The following ITPR2 variants were observed in gnomAD, a reference collection of about 807,000 sequenced individuals.
The protein encoded by ITPR2 is inositol 1,4,5-trisphosphate-gated calcium channel ITPR2.
In ITPR2, 207 loss-of-function variants were observed where a neutral mutation model predicts 317.1. The observed-to-expected ratio is 0.65, with a 90% confidence interval of 0.58 to 0.73. ITPR2 has a LOEUF of 0.73. Among genes scored for constraint, ITPR2 ranks in the 30% least tolerant of loss-of-function variants. The probability of loss-of-function intolerance (pLI) is 0.00; values close to 1 mark genes in which losing one functional copy is unlikely to be tolerated. For missense variants in ITPR2, 2,613 were observed against 3,284.0 expected (o/e 0.80, Z 4.99); for synonymous variants, 1,156 against 1,149.1 (o/e 1.01, Z -0.12).
At chr12:26,345,857 A>G (rs892816967) in intron 55 of ITPR2, among the ~76,000 whole-genome samples, 4 of 147,998 alleles carry the variant, frequency 2.7e-5, no homozygotes, top group Non-Finnish European at 4.6e-5. Flanking sequence ...GACTTGTAAT[A>G]TGTATGCCAT....
At chr12:26,575,588 C>T (rs909611802) in intron 34 of ITPR2, among the ~76,000 whole-genome samples, 2 of 151,890 alleles carry the variant, frequency 1.3e-5, no homozygotes, top group Non-Finnish European at 2.9e-5. Context: ...TTATACCCTT[C>T]GATATAATTA....
intron 55 of ITPR2, among the ~76,000 whole-genome samples, chr12:26,368,756 C>T (rs1462659801): frequency 6.6e-6 from 1 of 152,136 alleles, no homozygotes; most frequent in Non-Finnish European, 1.5e-5. Flanking sequence ...ACTAAGCGCC[C>T]ACTATGTGCC....
Position 26,595,589 on chromosome 12 carries a change from A to G in ITPR2, c.4256T>C (p.Val1419Ala), listed in dbSNP as rs1414443139. ...AACAAAGTTCACATAAGCAATTTTA[A>G]CCTGTGCAAGTTTCAAATACAAAAG... ...VVTHDDCIPE[V>A]KIAYVNFVNH... is the part of the protein sequence containing the mutation. The change falls in exon 32 of 57, where the codon GTT becomes GCT. Residue 1419 changes from valine (V) to alanine (A), a missense_variant and splice_region_variant. By Grantham distance (64) the Val-to-Ala change is moderately conservative (BLOSUM62 0). Around this residue, in one of 9 missense-constraint regions of ITPR2, gnomAD observed 926 missense variants for 1,072.8 expected, o/e 0.86. Transcript: ENST00000381340. 1.3e-6 allele frequency: 2 copies of G among 1,562,620 alleles called. No homozygotes were observed. The highest frequency in any genetic ancestry group is 1.7e-6 in the Non-Finnish European group (2 of 1,163,050).
chr12:26,436,249 G>A lies in ITPR2; in HGVS notation c.6741C>T (p.Phe2247=), dbSNP rs1271457671. The A allele has an allele frequency of 2.3e-5, 37 of 1,611,766 alleles. No individual in the cohort carries two copies. Among genetic ancestry groups the A allele is most frequent in the Non-Finnish European group, 3.1e-5 (37 of 1,179,184 alleles). Residue 2247 remains phenylalanine (F), a synonymous_variant, in exon 48 of 57, where the codon TTC becomes TTT. Coordinates refer to ENST00000381340, the MANE Select transcript of ITPR2 (RefSeq NM_002223.4). ...CATCTCCATCATCCCCAAATGGGTA[G>A]AAGAGAGCAACAGCTAAATTGATGA... is the stretch of plus-strand genomic sequence containing the variant. The part of the protein sequence containing the change: ...AVFINLAVAL[F]YPFGDDGDEG...
chr12:26,718,203 A>C (rs556233354), intron 5 of ITPR2, among the ~76,000 whole-genome samples: 2 of 149,074 alleles, frequency 1.3e-5, no homozygotes, highest in East Asian at 2.0e-4. Context: ...CCCTCCCCTC[A>C]CCCCCCACCC....
intron 45 of ITPR2, among the ~76,000 whole-genome samples, chr12:26,474,572 T>C (rs1174165388): frequency 1.3e-5 from 2 of 151,838 alleles, no homozygotes; most frequent in East Asian, 3.9e-4. Flanking sequence ...GGCGGGCGGA[T>C]CACGAGGTCA....
intron 54 of ITPR2, among the ~76,000 whole-genome samples, chr12:26,395,835 C>A (rs190602246): frequency 6.6e-6 from 1 of 152,124 alleles, no homozygotes; most frequent in African/African-American, 2.4e-5. Context: ...GGTAGTCCTC[C>A]GCTCAAATCT....
intron 49 of ITPR2, among the ~76,000 whole-genome samples, chr12:26,426,836 T>C (rs1301120680): frequency 6.6e-6 from 1 of 150,864 alleles, no homozygotes; most frequent in Non-Finnish European, 1.5e-5. Flanking sequence ...ATAAAATAAA[T>C]ACATTTTATT....
intron 1 of ITPR2, among the ~76,000 whole-genome samples, chr12:26,810,839 A>G (rs541395118): frequency 1.4e-4 from 21 of 152,042 alleles, no homozygotes; most frequent in Non-Finnish European, 2.6e-4. Flanking sequence ...TCATTTATTT[A>G]TTTATTTTTA....
intron 1 of ITPR2, 58 bp downstream of exon 1, chr12:26,832,632 G>C: frequency 7.4e-7 from 1 of 1,347,438 alleles, no homozygotes; most frequent in South Asian, 1.2e-5. Flanking sequence ...AGGAGGGACA[G>C]GGACTGGTTC....
rs182385460 is a variant in ITPR2 at position 26,557,262 on chromosome 12, C to G, written c.4822-887G>C. 7.9e-5 allele frequency among the ~76,000 whole-genome samples: 12 copies of G among 152,306 alleles called. No homozygotes were observed. The East Asian group carries it at 2.1e-3, about 27-fold the overall frequency. ...CCCTATTGGTCACCTACCCAACAGC[C>G]TTTCTTCACTCTCTTCCTTGCTAAC... is the stretch of plus-strand genomic sequence containing the variant. On this transcript the variant is annotated intron_variant, in intron 35 of 56. Transcript: ENST00000381340.
intron 37 of ITPR2, among the ~76,000 whole-genome samples, chr12:26,517,878 TGAA>T (rs2136932011): frequency 6.6e-6 from 1 of 152,116 alleles, no homozygotes; most frequent in Non-Finnish European, 1.5e-5. Context: ...TAACAGATGA[TGAA>T]GAAGTTGCAG....
chr12:26,466,505 A>G (rs1942174399), intron 45 of ITPR2, among the ~76,000 whole-genome samples: 1 of 152,196 alleles, frequency 6.6e-6, no homozygotes, highest in Non-Finnish European at 1.5e-5. Context: ...TGCATTTCTC[A>G]TTCAACCTCA....
intron 39 of ITPR2, among the ~76,000 whole-genome samples, chr12:26,491,553 A>G (rs986866598): frequency 3.3e-5 from 5 of 151,952 alleles, no homozygotes; most frequent in African/African-American, 9.7e-5. Context: ...AGAAGGGCAA[A>G]ACTGGAAGCA....
intron 33 of ITPR2, 87 bp from the exon 34 acceptor site, chr12:26,578,920 TCAAAA>T: frequency 7.6e-7 from 1 of 1,308,266 alleles, no homozygotes; most frequent in Non-Finnish European, 1.0e-6. Context: ...GAAAGGTTCA[TCAAAA>T]TAAAATAAAA....
At chr12:26,482,443 A>G (rs980694568) in intron 42 of ITPR2, among the ~76,000 whole-genome samples, 6 of 152,226 alleles carry the variant, frequency 3.9e-5, no homozygotes, top group African/African-American at 1.4e-4. Context: ...CATTCTTACA[A>G]GCTTTCCTGG....
At chr12:26,499,490 T>C (rs1400372001) in intron 37 of ITPR2, among the ~76,000 whole-genome samples, 1 of 152,196 alleles carries the variant, frequency 6.6e-6, no homozygotes, top group African/African-American at 2.4e-5. Flanking sequence ...AGTCCCTCAA[T>C]TGTCAAATGA....
At chr12:26,346,748 C>T (rs529043737) in intron 55 of ITPR2, among the ~76,000 whole-genome samples, 281 of 152,114 alleles carry the variant, frequency 1.8e-3, no homozygotes, top group Middle Eastern at 0.014. Context: ...CAGGACACCC[C>T]GGTTCTTGTT....
At chr12:26,782,037 T>TATAGAG (rs1950102369) in intron 2 of ITPR2, among the ~76,000 whole-genome samples, 8 of 51,728 alleles carry the variant, frequency 1.5e-4, no homozygotes, top group African/African-American at 2.8e-4. Context: ...TATATATGTA[T>TATAGAG]AGAGAGAGAG....
Sources: allele counts gnomAD v4.1 joint callset (sites outside exome capture counted in the v4.1 genomes callset), GRCh38; gene constraint gnomAD v4.1.1; regional missense constraint gnomAD v4.1.1; transcripts MANE v1.5; gene names NCBI Gene and HGNC (gene_info 2026-07-23, HGNC 2026-07-21).